DDX19B: variants seen among roughly 807,000 people sequenced by gnomAD.
DDX19B encodes the protein DEAD-box helicase 19B.
A neutral mutation model predicts 58.1 loss-of-function variants in DDX19B; 27 were observed. The ratio of observed to expected loss-of-function variants is 0.46; its 90% CI spans 0.34 to 0.64. The LOEUF (loss-of-function observed/expected upper bound fraction) is 0.64. Among genes scored for constraint, DDX19B ranks in the 30% least tolerant of loss-of-function variants. The probability of loss-of-function intolerance (pLI) is 0.01; values close to 1 mark genes in which losing one functional copy is unlikely to be tolerated. For synonymous variants in DDX19B, 187 were observed against 214.4 expected (o/e 0.87, Z 1.12); for missense variants, 399 against 596.5 (o/e 0.67, Z 3.45).
At chr16:70,295,116 G>T, upstream of DDX19B, 1 of 1,231,536 alleles carries the variant, frequency 8.1e-7, no homozygotes, top group Non-Finnish European at 1.0e-6. Flanking sequence ...CTAGGCTCAC[G>T]TGGGAATAAA....
chr16:70,304,268 T>G (rs1244168046), intron 1 of DDX19B, among the ~76,000 whole-genome samples: 1 of 151,458 alleles, frequency 6.6e-6, no homozygotes, highest in African/African-American at 2.4e-5. Flanking sequence ...CTCAAACTGC[T>G]GACCTCATGA....
At chr16:70,292,199 G>GC (rs1961075296), upstream of DDX19B, among the ~76,000 whole-genome samples, 1 of 151,612 alleles carries the variant, frequency 6.6e-6, no homozygotes, top group Non-Finnish European at 1.5e-5. Context: ...CACTCTTGTT[G>GC]CCCAGGCTGG....
chr16:70,297,404 G>A (rs1174035971), upstream of DDX19B, among the ~76,000 whole-genome samples: 1 of 151,342 alleles, frequency 6.6e-6, no homozygotes, highest in East Asian at 1.9e-4. Flanking sequence ...GTAGAGATAG[G>A]GTTTCACCAT....
Position 70,315,923 on chromosome 16 carries a change from G to A in DDX19B, c.161-46G>A. 1.9e-6 allele frequency: 3 copies of A among 1,596,194 alleles called. No homozygotes were observed. The South Asian group carries it at 3.4e-5, about 18-fold the overall frequency. On this transcript the variant is annotated intron_variant, in intron 3 of 11. Transcript: ENST00000288071. ...GTTGAATTAGAGTAAACGCCTGGTA[G>A]GTTTCAAGGACTTTTTAAAATTCTT...
chr16:70,318,019 C>G (rs1253616169), intron 5 of DDX19B: 1 of 149,692 alleles, frequency 6.7e-6, no homozygotes, highest in African/African-American at 2.5e-5. Context: ...GAGCCGAGAT[C>G]ATGTCACTGC....
At chr16:70,296,772 C>G (rs76502503), upstream of DDX19B, among the ~76,000 whole-genome samples, 6,102 of 152,148 alleles carry the variant, frequency 0.04, 338 homozygotes, top group East Asian at 0.23. Context: ...CCAGTTAACC[C>G]TGTGAGAGTG....
At chr16:70,295,883 T>TA (rs983203444), upstream of DDX19B, among the ~76,000 whole-genome samples, 16 of 151,322 alleles carry the variant, frequency 1.1e-4, no homozygotes, top group East Asian at 3.9e-4. Flanking sequence ...GTCTCTAATT[T>TA]AAAAAAAACC....
At chr16:70,294,722 G>C, upstream of DDX19B, 2 of 677,440 alleles carry the variant, frequency 3.0e-6, no homozygotes, top group Non-Finnish European at 4.4e-6. Context: ...GCGCGTGCCC[G>C]AGCGCTGTAC....
chr16:70,329,793 G>A (rs748654833), intron 8 of DDX19B, 38 bp from the exon 9 acceptor site: 4 of 1,612,774 alleles, frequency 2.5e-6, no homozygotes, highest in Non-Finnish European at 3.4e-6. Flanking sequence ...CGCTTCCCGG[G>A]GCCACCTGGG....
chr16:70,305,158 A>C (rs1228589913), intron 1 of DDX19B, among the ~76,000 whole-genome samples: 3 of 152,128 alleles, frequency 2.0e-5, no homozygotes, highest in Non-Finnish European at 4.4e-5. Context: ...ATATATCTTT[A>C]GTGGTCTATG....
Position 70,312,655 on chromosome 16 carries a change from A to G in DDX19B, c.104A>G (p.Asn35Ser), listed in dbSNP as rs765980917. Residue 35 changes from asparagine to serine, a missense_variant and splice_region_variant, in exon 2 of 12, where the codon AAT (asparagine) becomes AGT (serine). This residue lies in a region of DDX19B where 132 missense variants were observed against 159.4 expected (regional missense o/e 0.83). Transcript: ENST00000288071. ...LKEEKIKPDT[N>S]GAVVKTNANA... ...GAAGAGAAAATCAAACCAGATACCA[A>G]TGGTAAGTAACTAATAGCTAGTTTG... is the stretch of plus-strand genomic sequence containing the variant. 2 of 1,610,206 alleles carry G rather than the reference A, an allele frequency of 1.2e-6. No individual in the cohort carries two copies. Among genetic ancestry groups the G allele is most frequent in the South Asian group, 1.1e-5 (1 of 90,728 alleles).
At position 70,330,722 on chromosome 16, in the gene DDX19B, G is replaced by A. The variant is rs144982446; in HGVS notation, c.1023+654G>A. ...TGAGCCCAGGAGTTCAGACCAGCAT[G>A]GGCAACATAGTGAGACCTCATCATT... On this transcript the variant is annotated intron_variant, in intron 9 of 11. Coordinates refer to ENST00000288071, the MANE Select transcript of DDX19B (RefSeq NM_007242.7). Among the ~76,000 whole-genome samples the A allele has an allele frequency of 5.2e-4, 79 of 151,896 alleles. 2 individuals are homozygous for A. The East Asian group carries it at 0.012, about 24-fold the overall frequency.
chr16:70,325,791 T>A, intron 7 of DDX19B, 103 bp downstream of exon 7: 2 of 867,968 alleles, frequency 2.3e-6, no homozygotes, highest in Non-Finnish European at 3.8e-6. Flanking sequence ...AACACATGTA[T>A]GTTCTCCAGC....
intron 1 of DDX19B, among the ~76,000 whole-genome samples, chr16:70,308,856 C>A (rs1004788909): frequency 6.6e-6 from 1 of 151,436 alleles, no homozygotes; most frequent in Non-Finnish European, 1.5e-5. Context: ...GCAGGATGTG[C>A]ATGTTTGTTA....
chr16:70,293,746 G>C (rs1017110261), upstream of DDX19B, among the ~76,000 whole-genome samples: 4 of 150,160 alleles, frequency 2.7e-5, no homozygotes, highest in African/African-American at 9.9e-5. Flanking sequence ...CGAGTAGCTG[G>C]GACTACAGGC....
chr16:70,308,755 C>T (rs935573350), intron 1 of DDX19B, among the ~76,000 whole-genome samples: 3 of 151,038 alleles, frequency 2.0e-5, no homozygotes, highest in African/African-American at 7.3e-5. Flanking sequence ...TCAAGGGAGC[C>T]TCCCATTTCA....
intron 2 of DDX19B, among the ~76,000 whole-genome samples, chr16:70,313,078 G>T (rs1597476007): frequency 6.6e-6 from 1 of 152,040 alleles, no homozygotes; most frequent in African/African-American, 2.4e-5. Context: ...GAGTGCAGTG[G>T]CTCGATCTCG....
intron 7 of DDX19B, among the ~76,000 whole-genome samples, chr16:70,328,498 G>C (rs958805728): frequency 6.6e-6 from 1 of 151,206 alleles, no homozygotes; most frequent in Non-Finnish European, 1.5e-5. Context: ...AAATAGCTGA[G>C]ATTACATGAG....
intron 5 of DDX19B, among the ~76,000 whole-genome samples, chr16:70,323,596 G>C (rs1289849458): frequency 6.6e-6 from 1 of 151,564 alleles, no homozygotes; most frequent in East Asian, 1.9e-4. Context: ...GCTAATTTTT[G>C]TATTTTTAGT....
Sources: gnomAD v4.1 joint callset for allele counts (sites outside exome capture counted in the v4.1 genomes callset) on GRCh38, gnomAD v4.1.1 for gene constraint, gnomAD v4.1.1 regional missense constraint, MANE v1.5 for transcripts, NCBI Gene and HGNC (gene_info 2026-07-23, HGNC 2026-07-21) for gene names.